The following TMEM51 variants were observed in gnomAD, a reference collection of about 807,000 sequenced individuals.
TMEM51 encodes the protein transmembrane protein 51, also known as chromosome 1 open reading frame 72.
TMEM51 carries 8 observed loss-of-function variants against 13.6 expected under a neutral mutation model. That is an observed-to-expected ratio of 0.59 (90% CI 0.35 to 1.07). The LOEUF (loss-of-function observed/expected upper bound fraction) is 1.07. TMEM51 is among the 50% of genes least tolerant of loss of function. The probability of loss-of-function intolerance (pLI) is 0.02; values close to 1 mark genes in which losing one functional copy is unlikely to be tolerated. For synonymous variants in TMEM51, 147 were observed against 144.4 expected (o/e 1.02, Z -0.13); for missense variants, 279 against 330.7 (o/e 0.84, Z 1.21).
intron 1 of TMEM51, among the ~76,000 whole-genome samples, chr1:15,172,625 C>G (rs1392336942): frequency 6.6e-6 from 1 of 152,152 alleles, no homozygotes; most frequent in African/African-American, 2.4e-5. Flanking sequence ...GTGACTTAAC[C>G]CTTTATGATC....
intron 1 of TMEM51, chr1:15,171,049 C>A: frequency 1.3e-6 from 1 of 765,384 alleles, no homozygotes; most frequent in Non-Finnish European, 1.9e-6. Flanking sequence ...GTGTTAGAAT[C>A]CTCTGGGGTG....
In TMEM51 at chr1:15,182,574, G is replaced by A. The variant is rs929935575; in HGVS notation, c.-266-27916G>A. Among the ~76,000 whole-genome samples the A allele has an allele frequency of 3.3e-5, 5 of 152,204 alleles. No homozygotes were observed. The South Asian group carries it at 6.2e-4, about 19-fold the overall frequency. On this transcript the variant is annotated intron_variant, in intron 1 of 3. Coordinates refer to ENST00000376008, the MANE Select transcript of TMEM51 (RefSeq NM_001136218.2). ...TTCATTTGCAAAATTGAGGCCCCAT[G>A]TTCTATCTAAATGGATTGTCCTGCA...
At chr1:15,212,817 G>A (rs1034119674) in intron 2 of TMEM51, among the ~76,000 whole-genome samples, 10 of 152,230 alleles carry the variant, frequency 6.6e-5, no homozygotes, top group Admixed American at 1.3e-4. Flanking sequence ...CCATACATAT[G>A]CATGCATATG....
intron 1 of TMEM51, among the ~76,000 whole-genome samples, chr1:15,190,246 G>T (rs1210417801): frequency 2.0e-5 from 3 of 152,168 alleles, no homozygotes; most frequent in Non-Finnish European, 4.4e-5. Context: ...ACCTCTCTGG[G>T]CTCGAGTGTT....
intron 1 of TMEM51, among the ~76,000 whole-genome samples, chr1:15,197,954 CAAA>C (rs34377131): frequency 0.019 from 1,841 of 96,188 alleles, 41 homozygotes; most frequent in African/African-American, 0.066. Flanking sequence ...CTATACATGA[CAAA>C]AAAAAAAAAA....
chr1:15,195,955 C>A (rs552504128), intron 1 of TMEM51, among the ~76,000 whole-genome samples: 8 of 152,214 alleles, frequency 5.3e-5, no homozygotes, highest in South Asian at 2.1e-4. Context: ...CCTCAGAGAC[C>A]TGCAACTCCG....
intron 1 of TMEM51, among the ~76,000 whole-genome samples, chr1:15,178,518 T>C (rs1292097577): frequency 2.6e-5 from 4 of 152,220 alleles, no homozygotes; most frequent in African/African-American, 9.6e-5. Context: ...AAGGTAGTGC[T>C]TCCGGGGTCT....
In TMEM51 at chr1:15,207,254, A is replaced by T. The variant is rs938015545; in HGVS notation, c.-266-3236A>T. On this transcript the variant is annotated intron_variant, in intron 1 of 3. Transcript: ENST00000376008. The surrounding 1 kb of genome is among the most constrained non-coding windows in gnomAD (Gnocchi z 4.6). The stretch of plus-strand genomic sequence containing the variant: ...GACTGGCAAGACCTCCTCCCACTAA[A>T]GCCAGCTGGGCTGGGCGCTTCTGCA... Among the ~76,000 whole-genome samples the T allele has an allele frequency of 3.9e-5, 6 of 152,114 alleles. No homozygotes were observed. The highest frequency in any genetic ancestry group is 1.4e-4 in the African/African-American group (6 of 41,408).
In TMEM51 at chr1:15,208,298, T is replaced by TTAAGC. The variant is rs554167219; in HGVS notation, c.-266-2190_-266-2186dup. ...GAGGTGCTCACTGAGGAGGTGGCAT[T>TTAAGC]TAAGCTGAGAGACAGAGGTCTCTAC... is the stretch of plus-strand genomic sequence containing the variant. On this transcript the variant is annotated intron_variant, in intron 1 of 3. Coordinates refer to ENST00000376008, the MANE Select transcript of TMEM51 (RefSeq NM_001136218.2). Among the ~76,000 whole-genome samples, 197 of 152,200 alleles carry TTAAGC rather than the reference T, an allele frequency of 1.3e-3. 5 individuals carry two copies. In the South Asian group the frequency reaches 0.039, roughly 30 times the overall value.
intron 1 of TMEM51, among the ~76,000 whole-genome samples, chr1:15,171,600 C>T (rs918686759): frequency 6.6e-6 from 1 of 152,204 alleles, no homozygotes; most frequent in Non-Finnish European, 1.5e-5. Context: ...ACCCACGGGG[C>T]TGTCTCTCAC....
At chr1:15,174,367 T>G (rs1643390373) in intron 1 of TMEM51, among the ~76,000 whole-genome samples, 1 of 152,172 alleles carries the variant, frequency 6.6e-6, no homozygotes, top group Non-Finnish European at 1.5e-5. Context: ...CTCAGCCTCC[T>G]GAGTAGCTGG....
At chr1:15,165,601 A>G (rs901796466) in intron 1 of TMEM51, among the ~76,000 whole-genome samples, 19 of 152,242 alleles carry the variant, frequency 1.2e-4, no homozygotes, top group African/African-American at 4.3e-4. Flanking sequence ...TAACCTTGTT[A>G]TTAATATCTT....
At chr1:15,176,002 A>G (rs776414064) in intron 1 of TMEM51, among the ~76,000 whole-genome samples, 22 of 152,156 alleles carry the variant, frequency 1.4e-4, no homozygotes, top group Admixed American at 1.4e-3. Flanking sequence ...AAAAGAACCC[A>G]TCTTCCACCT....
chr1:15,215,014 T>G lies in TMEM51; in HGVS notation c.-74T>G, dbSNP rs1644403557. 1.4e-6 allele frequency: 2 copies of G among 1,412,606 alleles called. No individual in the cohort carries two copies. The highest frequency in any genetic ancestry group is 9.6e-7 in the Non-Finnish European group (1 of 1,043,260). 87.5% of individuals were successfully genotyped at this position (1,412,606 alleles called of 1,614,324 possible). The stretch of plus-strand genomic sequence containing the variant: ...GATTTTGTGGAGCGCATTTAAGGGG[T>G]TTTTGTTGTGACTGCTGCCTTGTAT... On this transcript the variant is annotated 5_prime_UTR_variant, in exon 3 of 4. Transcript: ENST00000376008.
At chr1:15,156,339 G>A (rs766292128) in intron 1 of TMEM51, among the ~76,000 whole-genome samples, 4 of 152,208 alleles carry the variant, frequency 2.6e-5, no homozygotes, top group Admixed American at 6.5e-5. Flanking sequence ...TCTGGTCAAC[G>A]TTCCTCCCTC....
chr1:15,176,515 G>C (rs1435778386), intron 1 of TMEM51, among the ~76,000 whole-genome samples: 4 of 152,206 alleles, frequency 2.6e-5, no homozygotes, highest in Non-Finnish European at 4.4e-5. Context: ...CTTCAGGATG[G>C]GGTAGGGGAG....
At chr1:15,217,856 TCA>T (rs1025145146) in intron 3 of TMEM51, among the ~76,000 whole-genome samples, 23 of 152,188 alleles carry the variant, frequency 1.5e-4, no homozygotes, top group African/African-American at 5.3e-4. Flanking sequence ...ACCCTCACTC[TCA>T]CAGTGTTTAA....
In TMEM51 at chr1:15,216,713, C is replaced by G. The variant is rs183726426; in HGVS notation, c.344+1282C>G. On this transcript the variant is annotated intron_variant, in intron 3 of 3. Coordinates refer to ENST00000376008, the MANE Select transcript of TMEM51 (RefSeq NM_001136218.2). ...AGGATAACAAAAACTTAGAAACAAC[C>G]TAAAAAACCACCTACTGAGTTAAAT... Among the ~76,000 whole-genome samples the G allele has an allele frequency of 1.8e-3, 277 of 152,276 alleles. 3 individuals carry two copies. The highest frequency in any genetic ancestry group is 6.2e-3 in the African/African-American group (257 of 41,542).
At chr1:15,183,837 G>C (rs1643689571) in intron 1 of TMEM51, among the ~76,000 whole-genome samples, 1 of 152,236 alleles carries the variant, frequency 6.6e-6, no homozygotes, top group African/African-American at 2.4e-5. Flanking sequence ...CAAATGTCCG[G>C]TTTGGAAAGC....
Sources: allele counts gnomAD v4.1 joint callset (sites outside exome capture counted in the v4.1 genomes callset), GRCh38; gene constraint gnomAD v4.1.1; non-coding constraint Gnocchi (gnomAD v3.1); transcripts MANE v1.5; gene names NCBI Gene and HGNC (gene_info 2026-07-23, HGNC 2026-07-21).